Variants in OXCT1 observed in about 807,000 individuals in gnomAD.
The protein encoded by OXCT1 is 3-oxoacid CoA-transferase 1, also known as succinyl-CoA:3-ketoacid coenzyme A transferase 1, mitochondrial.
A neutral mutation model predicts 69.6 loss-of-function variants in OXCT1; 27 were observed. That is an observed-to-expected ratio of 0.39 (90% CI 0.29 to 0.54). The LOEUF is 0.54. OXCT1 is among the 20% of genes least tolerant of loss of function. The pLI, the probability that OXCT1 is intolerant of heterozygous loss-of-function variation, is 0.72. For synonymous variants in OXCT1, 202 were observed against 217.8 expected (o/e 0.93, Z 0.64); for missense variants, 437 against 650.2 (o/e 0.67, Z 3.57).
Position 41,820,492 on chromosome 5 carries a change from C to T in OXCT1, c.733-13054G>A, listed in dbSNP as rs1561103353. Reference sequence around the variant, plus strand: ...AGTGAAAGATGGAAAACATGAAAGTCCAACAATAGAATTGTTGATATGTTT... The same window carrying T: ...AGTGAAAGATGGAAAACATGAAAGTTCAACAATAGAATTGTTGATATGTTT... On this transcript the variant is annotated intron_variant, in intron 7 of 16. Coordinates refer to ENST00000196371, the MANE Select transcript of OXCT1 (RefSeq NM_000436.4). Among the ~76,000 whole-genome samples the T allele has an allele frequency of 2.0e-5, 3 of 152,096 alleles. No homozygotes were observed. In the South Asian group the frequency reaches 6.2e-4, roughly 32 times the overall value.
At chr5:41,833,932 C>A (rs750392553) in intron 7 of OXCT1, among the ~76,000 whole-genome samples, 1 of 151,176 alleles carries the variant, frequency 6.6e-6, no homozygotes, top group South Asian at 2.1e-4. Context: ...CGTGGTGGTG[C>A]GCACCTTTAA....
intron 7 of OXCT1, among the ~76,000 whole-genome samples, chr5:41,809,063 T>C (rs1051458685): frequency 1.4e-5 from 2 of 138,364 alleles, no homozygotes; most frequent in Non-Finnish European, 3.0e-5. Context: ...ATCAATATTA[T>C]GCACTCATAA....
chr5:41,798,310 T>C (rs558327879), intron 11 of OXCT1, among the ~76,000 whole-genome samples: 1 of 152,318 alleles, frequency 6.6e-6, no homozygotes, highest in Non-Finnish European at 1.5e-5. Flanking sequence ...ATCTGTACTT[T>C]AGACTGCAGC....
intron 7 of OXCT1, among the ~76,000 whole-genome samples, chr5:41,809,084 T>A (rs1295886562): frequency 6.6e-5 from 10 of 151,784 alleles, no homozygotes; most frequent in Admixed American, 6.6e-4. Context: ...TATTTAATGA[T>A]CTCATAATTT....
At chr5:41,820,655 A>G (rs1004432808) in intron 7 of OXCT1, among the ~76,000 whole-genome samples, 6 of 152,202 alleles carry the variant, frequency 3.9e-5, no homozygotes, top group African/African-American at 1.4e-4. Flanking sequence ...GACAGTAATT[A>G]AAGAAAATCA....
At chr5:41,765,144 A>T (rs559818862) in intron 13 of OXCT1, among the ~76,000 whole-genome samples, 1 of 151,934 alleles carries the variant, frequency 6.6e-6, no homozygotes, top group African/African-American at 2.4e-5. Context: ...ATCATCCTTC[A>T]CTCCAGCTTA....
intron 7 of OXCT1, among the ~76,000 whole-genome samples, chr5:41,828,518 A>G (rs1046051484): frequency 3.9e-5 from 6 of 152,168 alleles, no homozygotes; most frequent in African/African-American, 1.4e-4. Flanking sequence ...GAGTCCATCA[A>G]TATGTAATTA....
intron 15 of OXCT1, among the ~76,000 whole-genome samples, chr5:41,749,113 C>T (rs534769804): frequency 1.8e-4 from 27 of 152,178 alleles, no homozygotes; most frequent in African/African-American, 6.0e-4. Context: ...GCCTATACTA[C>T]GATTTGCACT....
chr5:41,865,086 C>T (rs1473591766), intron 1 of OXCT1, among the ~76,000 whole-genome samples: 1 of 152,088 alleles, frequency 6.6e-6, no homozygotes, highest in Non-Finnish European at 1.5e-5. Flanking sequence ...AGCATTTATC[C>T]TTTGAGTTAC....
At chr5:41,739,604 G>T in intron 15 of OXCT1, 113 bp from the exon 16 acceptor site, 1 of 768,838 alleles carries the variant, frequency 1.3e-6, no homozygotes, top group South Asian at 1.4e-5. Flanking sequence ...GGTGGCTCAG[G>T]CCTATAATCC....
Position 41,807,321 on chromosome 5 carries a change from A to G in OXCT1, c.840+10T>C. 8.1e-6 allele frequency: 11 copies of G among 1,357,006 alleles called. No individual in the cohort carries two copies. The highest frequency in any genetic ancestry group is 1.2e-5 in the Non-Finnish European group (11 of 946,024). The allele number at this position is 1,357,006 out of a possible 1,614,324, so 84.1% of individuals were successfully genotyped here. A position where few individuals can be genotyped will look rare whatever the true frequency, so the allele number is the denominator to read the frequency against. Reference sequence around the variant, plus strand: ...TCCATGAATACTGACAAAGCAGCTAAGTCAATTACCTCAATTCTTTTCTCA... The same window carrying G: ...TCCATGAATACTGACAAAGCAGCTAGGTCAATTACCTCAATTCTTTTCTCA... On this transcript the variant is annotated intron_variant, in intron 8 of 16. Transcript: ENST00000196371.
At chr5:41,810,480 A>AAT (rs1054964767) in intron 7 of OXCT1, among the ~76,000 whole-genome samples, 9 of 152,028 alleles carry the variant, frequency 5.9e-5, no homozygotes, top group Admixed American at 5.9e-4. Flanking sequence ...TGGCACTATG[A>AAT]ATAGTTCTCA....
At position 41,861,280 on chromosome 5, in the gene OXCT1, T is replaced by C. The variant is rs770255077; in HGVS notation, c.278+34A>G. On this transcript the variant is annotated intron_variant, in intron 3 of 16. Transcript: ENST00000196371. ...TTTAAATATTAAGAATTGGCATTTCTCTCCAGCCAATTGTTTTTAAAATGC... is the reference window on the plus strand; with the variant it reads ...TTTAAATATTAAGAATTGGCATTTCCCTCCAGCCAATTGTTTTTAAAATGC... 3.8e-6 allele frequency: 5 copies of C among 1,304,112 alleles called. No individual in the cohort carries two copies. In the Admixed American group the frequency reaches 6.7e-5, roughly 17 times the overall value. The allele number at this position is 1,304,112 out of a possible 1,614,324, so 80.8% of individuals were successfully genotyped here.
intron 7 of OXCT1, among the ~76,000 whole-genome samples, chr5:41,833,870 G>A (rs1014573333): frequency 3.3e-5 from 5 of 151,984 alleles, no homozygotes; most frequent in African/African-American, 9.7e-5. Flanking sequence ...AGACCAACTT[G>A]GCCAACGTGA....
At chr5:41,813,652 G>T in intron 7 of OXCT1, among the ~76,000 whole-genome samples, 1 of 152,054 alleles carries the variant, frequency 6.6e-6, no homozygotes, top group East Asian at 1.9e-4. Flanking sequence ...TTCTCTAACA[G>T]AGAAGACAGT....
At chr5:41,792,737 T>G (rs1340166601) in intron 13 of OXCT1, among the ~76,000 whole-genome samples, 1 of 152,214 alleles carries the variant, frequency 6.6e-6, no homozygotes, top group Non-Finnish European at 1.5e-5. Flanking sequence ...ATCCACAATT[T>G]GCTAAGGGTT....
chr5:41,792,257 T>C (rs777687722), intron 13 of OXCT1, among the ~76,000 whole-genome samples: 8 of 152,212 alleles, frequency 5.3e-5, no homozygotes, highest in Admixed American at 2.6e-4. Flanking sequence ...TGAGGAAAAA[T>C]AGGAAATTAG....
chr5:41,785,938 C>G (rs2112198478), intron 13 of OXCT1, among the ~76,000 whole-genome samples: 1 of 152,278 alleles, frequency 6.6e-6, no homozygotes, highest in East Asian at 1.9e-4. Context: ...TGCTGCCTGA[C>G]TCTTACCTGA....
At chr5:41,741,757 G>C (rs950068619) in intron 15 of OXCT1, among the ~76,000 whole-genome samples, 8 of 152,286 alleles carry the variant, frequency 5.3e-5, no homozygotes, top group African/African-American at 1.7e-4. Flanking sequence ...TGAAATGTAA[G>C]ACAAAATATT....
Sources: gnomAD v4.1 joint callset for allele counts (sites outside exome capture counted in the v4.1 genomes callset) on GRCh38, gnomAD v4.1.1 for gene constraint, MANE v1.5 for transcripts, NCBI Gene and HGNC (gene_info 2026-07-23, HGNC 2026-07-21) for gene names.